CNTNAP5: variants seen among roughly 807,000 people sequenced by gnomAD.
CNTNAP5 encodes the protein contactin-associated protein-like 5.
CNTNAP5 carries 72 observed loss-of-function variants against 150.2 expected under a neutral mutation model. That is an observed-to-expected ratio of 0.48 (90% CI 0.40 to 0.58). The LOEUF (loss-of-function observed/expected upper bound fraction) is 0.58, where lower values mean the gene tolerates loss of function less well. Ranked by LOEUF, CNTNAP5 falls within the 20% of genes least tolerant of loss-of-function variation. The pLI, the probability that CNTNAP5 is intolerant of heterozygous loss-of-function variation, is 0.00. For synonymous variants in CNTNAP5, 672 were observed against 619.8 expected (o/e 1.08, Z -1.25); for missense variants, 1,636 against 1,626.2 (o/e 1.01, Z -0.10).
Position 124,900,509 on chromosome 2 carries a change from A to C in CNTNAP5, c.3437-2373A>C, listed in dbSNP as rs1678394871. 1.3e-5 allele frequency among the ~76,000 whole-genome samples: 2 copies of C among 151,498 alleles called. 1 individual carries two copies. Among genetic ancestry groups the C allele is most frequent in the African/African-American group, 4.9e-5 (2 of 40,850 alleles). The stretch of plus-strand genomic sequence containing the variant: ...CTGTCCTTATAGTACATCTGGAAGA[A>C]GCACACTTCCCTAGAGATAGGGCTT... On this transcript the variant is annotated intron_variant, in intron 21 of 23. Transcript: ENST00000682447.
In CNTNAP5 at chr2:124,504,422, C is replaced by T; in HGVS notation, c.1193C>T (p.Thr398Ile). 6.2e-7 allele frequency: 1 copy of T among 1,613,898 alleles called. No homozygotes were observed. The highest frequency in any genetic ancestry group is 1.1e-5 in the South Asian group (1 of 91,076). The change falls in exon 8 of 24, where the codon ACA becomes ATA. Residue 398 changes from threonine to isoleucine, a missense_variant. Physicochemically the swap from Thr to Ile is moderately conservative, Grantham distance 89. Coordinates refer to ENST00000682447, the MANE Select transcript of CNTNAP5 (RefSeq NM_001367498.1). ...DGLSVSFQFRTWNKDGLLLST... is the reference protein window; with the variant it reads ...DGLSVSFQFRIWNKDGLLLST... ...CTCTCAGTGAGTTTCCAGTTTCGAA[C>T]ATGGAACAAGGATGGTCTGCTTCTG...
Position 124,787,125 on chromosome 2 carries a change from G to A in CNTNAP5, c.2753-2777G>A, listed in dbSNP as rs115153627. ...AAAAAAGTTGTTGACTAAGTCACAC[G>A]CAAGAAAATGTGCAATAGATCTTGC... is the stretch of plus-strand genomic sequence containing the variant. On this transcript the variant is annotated intron_variant, in intron 17 of 23. Transcript: ENST00000682447. Among the ~76,000 whole-genome samples the A allele has an allele frequency of 2.3e-3, 354 of 152,262 alleles. 4 individuals carry two copies. Among genetic ancestry groups the A allele is most frequent in the African/African-American group, 7.5e-3 (313 of 41,570 alleles).
intron 1 of CNTNAP5, among the ~76,000 whole-genome samples, chr2:124,111,969 G>C (rs1683308946): frequency 6.6e-6 from 1 of 152,160 alleles, no homozygotes; most frequent in Admixed American, 6.6e-5. Context: ...CAAGAACACT[G>C]AATGACTTGT....
intron 3 of CNTNAP5, among the ~76,000 whole-genome samples, chr2:124,314,956 A>T (rs1369328513): frequency 1.3e-5 from 2 of 151,726 alleles, no homozygotes; most frequent in African/African-American, 4.9e-5. Flanking sequence ...TATATGCATA[A>T]GTATATAATG....
intron 3 of CNTNAP5, among the ~76,000 whole-genome samples, chr2:124,326,831 G>A (rs1297802116): frequency 2.0e-5 from 3 of 151,944 alleles, no homozygotes; most frequent in Admixed American, 2.0e-4. Flanking sequence ...ATTAGTTGGG[G>A]ATGGATGCAC....
intron 3 of CNTNAP5, among the ~76,000 whole-genome samples, chr2:124,291,419 TAATA>T (rs1688290079): frequency 6.6e-6 from 1 of 151,840 alleles, no homozygotes; most frequent in African/African-American, 2.4e-5. Context: ...AACTATTAAT[TAATA>T]TTTTCAGTCT....
intron 1 of CNTNAP5, among the ~76,000 whole-genome samples, chr2:124,167,433 C>T (rs1684833245): frequency 6.6e-6 from 1 of 152,064 alleles, no homozygotes; most frequent in Admixed American, 6.6e-5. Context: ...TAAAACAAAA[C>T]AATTTTGTAA....
chr2:124,070,396 GAAAAAA>G (rs70996039), intron 1 of CNTNAP5, among the ~76,000 whole-genome samples: 14 of 72,968 alleles, frequency 1.9e-4, no homozygotes, highest in African/African-American at 3.4e-4. Context: ...GCTGAATGGG[GAAAAAA>G]AAAAAAAAAA....
intron 13 of CNTNAP5, among the ~76,000 whole-genome samples, chr2:124,721,635 C>A (rs533401054): frequency 2.6e-5 from 4 of 152,010 alleles, no homozygotes; most frequent in African/African-American, 7.2e-5. Context: ...AACAAACCAG[C>A]AAATGTATTA....
chr2:124,824,840 T>C (rs1682560467), intron 19 of CNTNAP5, among the ~76,000 whole-genome samples: 1 of 152,198 alleles, frequency 6.6e-6, no homozygotes, highest in Non-Finnish European at 1.5e-5. Context: ...CAAGCAAAGA[T>C]TTTATGCCTT....
Position 124,143,015 on chromosome 2 carries a change from C to T in CNTNAP5, c.83-78690C>T, listed in dbSNP as rs531468400. ...CCATCAGAGAATACTACAAACACCT[C>T]TACGCAAATAAACTAGAAAATCTAG... On this transcript the variant is annotated intron_variant, in intron 1 of 23. Transcript: ENST00000682447. Among the ~76,000 whole-genome samples, 287 of 64,450 alleles carry T rather than the reference C, an allele frequency of 4.5e-3. 3 individuals carry two copies. The highest frequency in any genetic ancestry group is 0.018 in the African/African-American group (273 of 14,880). The allele number at this position is 64,450 out of a possible 152,430, so 42.3% of individuals were successfully genotyped here.
intron 19 of CNTNAP5, among the ~76,000 whole-genome samples, chr2:124,819,088 A>G (rs314710): frequency 0.58 from 87,922 of 151,776 alleles, 26,650 homozygotes; most frequent in East Asian, 0.82. Context: ...AGACCATGCC[A>G]TCTCCAAATC....
chr2:124,128,351 A>G (rs1683764505), intron 1 of CNTNAP5, among the ~76,000 whole-genome samples: 1 of 152,194 alleles, frequency 6.6e-6, no homozygotes, highest in Non-Finnish European at 1.5e-5. Flanking sequence ...GCAAATCAAA[A>G]CCACAATGAG....
chr2:124,613,994 G>A (rs552881118), intron 12 of CNTNAP5, among the ~76,000 whole-genome samples: 15 of 152,304 alleles, frequency 9.8e-5, no homozygotes, highest in African/African-American at 3.4e-4. Flanking sequence ...GGAGAATTGA[G>A]TGAAGTGATG....
chr2:124,427,028 T>C (rs1393861968), intron 4 of CNTNAP5, among the ~76,000 whole-genome samples: 1 of 152,184 alleles, frequency 6.6e-6, no homozygotes, highest in African/African-American at 2.4e-5. Context: ...AAACCACGAA[T>C]TGAATTGAAT....
chr2:124,540,636 T>C (rs1158442267), intron 10 of CNTNAP5, among the ~76,000 whole-genome samples: 1 of 152,150 alleles, frequency 6.6e-6, no homozygotes, highest in Admixed American at 6.5e-5. Context: ...CCTGCTCTGA[T>C]CTTCCTTGGA....
At chr2:124,568,928 G>A (rs888261354) in intron 11 of CNTNAP5, among the ~76,000 whole-genome samples, 4 of 152,168 alleles carry the variant, frequency 2.6e-5, no homozygotes, top group African/African-American at 9.7e-5. Flanking sequence ...GACGCCTGTA[G>A]TCCCAGCTAA....
chr2:124,510,368 C>CACACAA, intron 8 of CNTNAP5, among the ~76,000 whole-genome samples: 1 of 91,464 alleles, frequency 1.1e-5, no homozygotes. Context: ...CACACACACA[C>CACACAA]ACACACACAC....
chr2:124,349,064 T>G (rs927039327), intron 3 of CNTNAP5, among the ~76,000 whole-genome samples: 1 of 152,230 alleles, frequency 6.6e-6, no homozygotes, highest in East Asian at 1.9e-4. Context: ...GTAGAAGTGT[T>G]GCTTTGATTG....
Sources: allele counts gnomAD v4.1 joint callset (sites outside exome capture counted in the v4.1 genomes callset), GRCh38; gene constraint gnomAD v4.1.1; transcripts MANE v1.5; gene names NCBI Gene and HGNC (gene_info 2026-07-23, HGNC 2026-07-21).